The following NDUFAF6 variants were observed in gnomAD, a reference collection of about 807,000 sequenced individuals.
NDUFAF6 encodes the protein NADH:ubiquinone oxidoreductase complex assembly factor 6.
A neutral mutation model predicts 40.8 loss-of-function variants in NDUFAF6; 45 were observed. That is an observed-to-expected ratio of 1.10 (90% CI 0.87 to 1.42). The LOEUF is 1.42. NDUFAF6 is among the 40% of genes most tolerant of loss of function. The pLI is 0.00. For missense variants in NDUFAF6, 435 were observed against 418.5 expected, an observed-to-expected ratio of 1.04 and a Z score of -0.34; for synonymous variants, 185 against 155.9, an observed-to-expected ratio of 1.19 and a Z score of -1.39.
rs549581254 is a variant in NDUFAF6 at position 94,946,809 on chromosome 8, T to C, written c.-799+1190T>C. Among the ~76,000 whole-genome samples the C allele has an allele frequency of 4.6e-5, 7 of 152,126 alleles. No homozygotes were observed. The East Asian group carries it at 1.4e-3, about 29-fold the overall frequency. On this transcript the variant is annotated intron_variant, in intron 2 of 14. Transcript: ENST00000396113. ...TACTAACATCTTGGTGTCTCTGTTT[T>C]CTCATCCTTAACATGGGAATGATAG...
chr8:95,084,511 C>G (rs1401031310), intron 2 of NDUFAF6, among the ~76,000 whole-genome samples: 1 of 152,126 alleles, frequency 6.6e-6, no homozygotes, highest in African/African-American at 2.4e-5. Flanking sequence ...TTGTTTTTTG[C>G]ATCCTTAGTC....
downstream of NDUFAF6, among the ~76,000 whole-genome samples, chr8:95,076,354 A>G (rs1475131287): frequency 6.6e-6 from 1 of 152,088 alleles, no homozygotes; most frequent in African/African-American, 2.4e-5. Flanking sequence ...ATTGGGCCTG[A>G]CCTTAGCCAT....
At chr8:95,034,805 T>C (rs931185909) in intron 2 of NDUFAF6, 1 of 152,702 alleles carries the variant, frequency 6.5e-6, no homozygotes, top group Non-Finnish European at 1.5e-5. Context: ...GGAGACCTTT[T>C]AAGACCATGT....
At chr8:95,038,982 TG>T (rs1203619395) in intron 3 of NDUFAF6, among the ~76,000 whole-genome samples, 1 of 148,706 alleles carries the variant, frequency 6.7e-6, no homozygotes, top group Non-Finnish European at 1.5e-5. Flanking sequence ...TTTTTGTGTT[TG>T]TTTTTTTTTT....
upstream of NDUFAF6, chr8:95,023,296 T>C (rs935215178): frequency 2.0e-5 from 3 of 152,264 alleles, no homozygotes; most frequent in Non-Finnish European, 1.5e-5. Flanking sequence ...ACCGGGGTTC[T>C]GCTACTACAC....
intron 3 of NDUFAF6, 61 bp from the exon 4 acceptor site, chr8:95,041,508 TC>T: frequency 8.6e-7 from 1 of 1,159,488 alleles, no homozygotes; most frequent in Non-Finnish European, 1.3e-6. Flanking sequence ...TTCATTTTAT[TC>T]AGATCTACAG....
rs1338905309 is a variant in NDUFAF6, at chr8:95,035,546, A to G, written c.390A>G (p.Pro130=). The part of the protein sequence containing the change: ...TVEDIYCDNP[P]HQPVAIELWK... ...AAGATATATACTGTGACAATCCACC[A>G]CATCAGCCTGTGGCCATTGAACTAT... The change falls in exon 3 of 9, where the codon CCA becomes CCG. Residue 130 remains proline (P), a synonymous_variant. Coordinates refer to ENST00000396124, the MANE Select transcript of NDUFAF6 (RefSeq NM_152416.4). 7.4e-6 allele frequency: 12 copies of G among 1,612,612 alleles called. No homozygotes were observed. In the Admixed American group the frequency reaches 1.7e-4, roughly 22 times the overall value.
At chr8:94,911,473 G>A (rs1490950982) in intron 1 of NDUFAF6, among the ~76,000 whole-genome samples, 3 of 152,202 alleles carry the variant, frequency 2.0e-5, no homozygotes, top group Non-Finnish European at 2.9e-5. Flanking sequence ...AATGCAGAAT[G>A]CGTTGGCTCC....
intron 3 of NDUFAF6, chr8:95,036,426 A>G (rs1443253691): frequency 7.8e-7 from 1 of 1,289,434 alleles, no homozygotes; most frequent in African/African-American, 1.5e-5. Context: ...GACTTCACAG[A>G]GCCCCAGTAA....
At chr8:94,921,423 C>A (rs554413330) in intron 1 of NDUFAF6, among the ~76,000 whole-genome samples, 1 of 152,268 alleles carries the variant, frequency 6.6e-6, no homozygotes, top group East Asian at 1.9e-4. Flanking sequence ...TTGGCCAGGC[C>A]TGATTCATAT....
At chr8:95,024,945 G>C (rs2131710311), upstream of NDUFAF6, 1 of 1,256,010 alleles carries the variant, frequency 8.0e-7, no homozygotes, top group South Asian at 2.8e-5. Flanking sequence ...AACCTGCAGG[G>C]GCGTGGCCGG....
intron 2 of NDUFAF6, chr8:94,949,899 G>C (rs1389942835): frequency 1.3e-5 from 2 of 152,334 alleles, no homozygotes; most frequent in African/African-American, 4.8e-5. Flanking sequence ...GTGTAGCCAG[G>C]GTGCTGGGAG....
rs1307126894 is a variant in NDUFAF6, at chr8:95,025,074, C to T, written c.66C>T (p.Cys22=). The T allele has an allele frequency of 2.8e-6, 4 of 1,445,348 alleles. No individual in the cohort carries two copies. Among genetic ancestry groups the T allele is most frequent in the Admixed American group, 2.8e-5 (1 of 35,654 alleles). 89.5% of individuals were successfully genotyped at this position (1,445,348 alleles called of 1,614,324 possible). The change falls in exon 1 of 9, where the codon TGC becomes TGT. Residue 22 remains cysteine, a synonymous_variant. Transcript: ENST00000396124. ...GGCTTGGCATCCCCGGCCTGTGCTG[C>T]CGCCGGCCGCCTCTGGGTCTGTACG... The part of the protein sequence containing the change: ...PLRLGIPGLC[C]RRPPLGLYAR...
At chr8:95,112,847 G>T (rs1810035407) in intron 4 of NDUFAF6, among the ~76,000 whole-genome samples, 1 of 152,242 alleles carries the variant, frequency 6.6e-6, no homozygotes, top group African/African-American at 2.4e-5. Context: ...ACAGCACTAA[G>T]ATTAAAAATG....
chr8:95,022,133 A>G (rs961564246), upstream of NDUFAF6, among the ~76,000 whole-genome samples: 2 of 152,188 alleles, frequency 1.3e-5, no homozygotes, highest in African/African-American at 4.8e-5. Flanking sequence ...TGATAAGATG[A>G]ACTATAATGC....
At chr8:94,897,706 C>CT (rs11432186) in intron 1 of NDUFAF6, among the ~76,000 whole-genome samples, 77,672 of 131,364 alleles carry the variant, frequency 0.59, 24,358 homozygotes, top group African/African-American at 0.75. Flanking sequence ...TATTCTGTGC[C>CT]TTTTTTTTTT....
At chr8:95,098,440 G>A (rs1463366538), upstream of NDUFAF6, among the ~76,000 whole-genome samples, 2 of 152,066 alleles carry the variant, frequency 1.3e-5, no homozygotes, top group Non-Finnish European at 2.9e-5. Context: ...GGCCGAGGCG[G>A]GCAGATCACA....
At chr8:95,062,156 CAA>C (rs772221046), downstream of NDUFAF6, among the ~76,000 whole-genome samples, 1,282 of 110,522 alleles carry the variant, frequency 0.012, 16 homozygotes, top group African/African-American at 0.037. Flanking sequence ...GACCGTGGCT[CAA>C]AAAAAAAAAA....
chr8:94,973,191 C>T (rs1446578580), intron 1 of NDUFAF6, among the ~76,000 whole-genome samples: 1 of 152,162 alleles, frequency 6.6e-6, no homozygotes, highest in East Asian at 1.9e-4. Flanking sequence ...CTGGCTCTGC[C>T]ACTCCCTAGC....
Sources: allele counts gnomAD v4.1 joint callset (sites outside exome capture counted in the v4.1 genomes callset), GRCh38; gene constraint gnomAD v4.1.1; transcripts MANE v1.5; gene names NCBI Gene and HGNC (gene_info 2026-07-23, HGNC 2026-07-21).